The following BEND3 variants were observed in gnomAD, a reference collection of about 807,000 sequenced individuals.
The protein encoded by BEND3 is BEN domain-containing protein 3.
Under a neutral mutation model 60.1 loss-of-function variants are expected in BEND3, and 13 were observed. The observed-to-expected ratio is 0.22, with a 90% CI of 0.14 to 0.34. The LOEUF (loss-of-function observed/expected upper bound fraction) is 0.34. BEND3 is among the 10% of genes least tolerant of loss of function. The pLI, the probability that BEND3 is intolerant of heterozygous loss-of-function variation, is 1.00. For synonymous variants in BEND3, 497 were observed against 491.5 expected, an observed-to-expected ratio of 1.01 and a Z score of -0.15; for missense variants, 896 against 1,138.1, an observed-to-expected ratio of 0.79 and a Z score of 3.06.
At chr6:107,078,203 T>C (rs1032215614) in intron 3 of BEND3, among the ~76,000 whole-genome samples, 8 of 152,118 alleles carry the variant, frequency 5.3e-5, no homozygotes, top group African/African-American at 1.9e-4. Context: ...TCAACATTGA[T>C]AGACGCCTGC....
chr6:107,099,090 A>T (rs1332137309), intron 2 of BEND3, among the ~76,000 whole-genome samples, 159 bp downstream of exon 2: 1 of 151,936 alleles, frequency 6.6e-6, no homozygotes, highest in African/African-American at 2.4e-5. Context: ...GCTTATAACA[A>T]GTGTGTGGGT....
chr6:107,088,343 AGGTGTTACAAAG>A (rs1775400995), intron 3 of BEND3, among the ~76,000 whole-genome samples: 1 of 152,206 alleles, frequency 6.6e-6, no homozygotes, highest in Non-Finnish European at 1.5e-5. Context: ...TAACTACAAA[AGGTGTTACAAAG>A]GGTGTTACAT....
chr6:107,091,531 C>G (rs1043511087), intron 3 of BEND3, among the ~76,000 whole-genome samples: 2 of 152,140 alleles, frequency 1.3e-5, no homozygotes, highest in African/African-American at 4.8e-5. Flanking sequence ...ATGACCAACT[C>G]TATGTCCACA....
In BEND3 at chr6:107,099,156, A is replaced by G. The variant is rs1775651952; in HGVS notation, c.37+93T>C. 8.3e-6 allele frequency: 9 copies of G among 1,078,960 alleles called. No individual in the cohort carries two copies. In the Admixed American group the frequency reaches 1.3e-4, roughly 15 times the overall value. The allele number at this position is 1,078,960 out of a possible 1,614,324, so 66.8% of individuals were successfully genotyped here. On this transcript the variant is annotated intron_variant, in intron 2 of 3. Transcript: ENST00000369042. ...GTGGGTGGAGGGGACTTTTCACTAT[A>G]TAACTTTGTATATTTTTGGACCATG...
chr6:107,091,902 A>T lies in BEND3; in HGVS notation c.240+6649T>A, dbSNP rs369242823. 5.3e-5 allele frequency among the ~76,000 whole-genome samples: 8 copies of T among 152,236 alleles called. No homozygotes were observed. The East Asian group carries it at 1.3e-3, about 26-fold the overall frequency. ...AACACAGATGAAAAACCCTCAATAAAACATTAGCAGGAGACTGATTTGAGT... is the reference window on the plus strand; with the variant it reads ...AACACAGATGAAAAACCCTCAATAATACATTAGCAGGAGACTGATTTGAGT... On this transcript the variant is annotated intron_variant, in intron 3 of 3. Coordinates refer to ENST00000369042, the MANE Select transcript of BEND3 (RefSeq NM_001367314.1).
intron 3 of BEND3, among the ~76,000 whole-genome samples, chr6:107,073,221 A>G (rs184537231): frequency 5.3e-4 from 4 of 7,488 alleles, no homozygotes; most frequent in East Asian, 2.5e-3. Flanking sequence ...ATATATATAT[A>G]TATATATATA....
intron 3 of BEND3, among the ~76,000 whole-genome samples, chr6:107,086,094 CTT>C (rs1775341339): frequency 1.3e-5 from 2 of 152,152 alleles, no homozygotes; most frequent in East Asian, 3.9e-4. Flanking sequence ...GCCGCCTTCT[CTT>C]TTCTTAAGGC....
chr6:107,108,023 GC>G (rs782140565), intron 1 of BEND3, among the ~76,000 whole-genome samples: 19 of 152,174 alleles, frequency 1.2e-4, no homozygotes, highest in Non-Finnish European at 2.5e-4. Context: ...GTGGCATCCT[GC>G]CCAAGGGACT....
intron 3 of BEND3, among the ~76,000 whole-genome samples, chr6:107,076,367 T>C (rs987596027): frequency 1.3e-5 from 2 of 152,210 alleles, no homozygotes; most frequent in Non-Finnish European, 2.9e-5. Context: ...GGCTCTGCAA[T>C]GCCAGCGTCT....
intron 3 of BEND3, among the ~76,000 whole-genome samples, chr6:107,088,520 A>G (rs1775404489): frequency 1.3e-5 from 2 of 152,326 alleles, no homozygotes; most frequent in Non-Finnish European, 1.5e-5. Context: ...AACAAAACAA[A>G]ACAAAAAAAT....
chr6:107,086,219 G>A (rs78149429), intron 3 of BEND3, among the ~76,000 whole-genome samples: 10,965 of 152,176 alleles, frequency 0.072, 524 homozygotes, highest in South Asian at 0.13. Context: ...CCTGGAGGAA[G>A]AGAAATAGCC....
intron 3 of BEND3, among the ~76,000 whole-genome samples, chr6:107,088,961 C>T (rs1054419125): frequency 1.3e-5 from 2 of 152,098 alleles, no homozygotes; most frequent in Non-Finnish European, 2.9e-5. Flanking sequence ...GCCTGGTCAA[C>T]ATGGCGAAAC....
chr6:107,107,071 G>C (rs1554237623), intron 1 of BEND3, among the ~76,000 whole-genome samples: 1 of 151,746 alleles, frequency 6.6e-6, no homozygotes, highest in Non-Finnish European at 1.5e-5. Context: ...CAAGTATCTG[G>C]GATTACAGGC....
chr6:107,093,889 G>A (rs1380673269), intron 3 of BEND3, among the ~76,000 whole-genome samples: 1 of 152,116 alleles, frequency 6.6e-6, no homozygotes, highest in Non-Finnish European at 1.5e-5. Context: ...TTAATAAAGT[G>A]GACTTCATTA....
intron 3 of BEND3, among the ~76,000 whole-genome samples, chr6:107,072,761 G>A (rs1582641382): frequency 6.6e-6 from 1 of 152,158 alleles, no homozygotes; most frequent in Non-Finnish European, 1.5e-5. Flanking sequence ...AAGATGGGTG[G>A]ATCTCCTGAG....
At position 107,098,624 on chromosome 6, in the gene BEND3, T is replaced by C; in HGVS notation, c.167A>G (p.Lys56Arg). 1 of 1,613,942 alleles carries C rather than the reference T, an allele frequency of 6.2e-7. No individual in the cohort carries two copies. The highest frequency in any genetic ancestry group is 8.5e-7 in the Non-Finnish European group (1 of 1,180,020). ...SVLTALQDSS[K>R]RKQLVSDGLL... is the part of the protein sequence containing the mutation. ...GCCATCGCTGACCAGCTGCTTTCGT[T>C]TGCTGGAGTCCTGCAGGGCAGTGAG... Residue 56 changes from lysine (K) to arginine (R), a missense_variant, in exon 3 of 4, where the codon AAA becomes AGA. Physicochemically the swap from Lys to Arg is conservative, Grantham distance 26 (BLOSUM62 2). Coordinates refer to ENST00000369042, the MANE Select transcript of BEND3 (RefSeq NM_001367314.1).
At chr6:107,086,401 G>C (rs1775348690) in intron 3 of BEND3, among the ~76,000 whole-genome samples, 1 of 151,964 alleles carries the variant, frequency 6.6e-6, no homozygotes, top group Non-Finnish European at 1.5e-5. Context: ...CGGATCACGA[G>C]GTCAAGAGAT....
intron 3 of BEND3, among the ~76,000 whole-genome samples, chr6:107,093,950 G>C (rs2115021793): frequency 6.6e-6 from 1 of 152,296 alleles, no homozygotes. Flanking sequence ...TGAAAGGCAA[G>C]CCACAGGCTG....
intron 1 of BEND3, among the ~76,000 whole-genome samples, chr6:107,104,129 T>C (rs1364879981): frequency 1.2e-4 from 18 of 145,746 alleles, no homozygotes; most frequent in Admixed American, 1.1e-3. Context: ...CTAAAAAAAA[T>C]ACAAAAAAAA....
Sources: gnomAD v4.1 joint callset for allele counts (sites outside exome capture counted in the v4.1 genomes callset) on GRCh38, gnomAD v4.1.1 for gene constraint, MANE v1.5 for transcripts, NCBI Gene and HGNC (gene_info 2026-07-23, HGNC 2026-07-21) for gene names.